The following AK7 variants were observed in gnomAD, a reference collection of about 807,000 sequenced individuals.
AK7 encodes adenylate kinase 7.
In AK7, 78 loss-of-function variants were observed where a neutral mutation model predicts 96.6. The ratio of observed to expected loss-of-function variants is 0.81; its 90% confidence interval spans 0.67 to 0.97. The LOEUF (loss-of-function observed/expected upper bound fraction) is 0.97. Among genes scored for constraint, AK7 ranks in the 50% least tolerant of loss-of-function variants. AK7 has a pLI of 0.00. For missense variants in AK7, 855 were observed against 887.9 expected, an observed-to-expected ratio of 0.96 and a Z score of 0.47; for synonymous variants, 302 against 317.2, an observed-to-expected ratio of 0.95 and a Z score of 0.51.
chr14:96,431,634 A>AT (rs1365345195), intron 5 of AK7, among the ~76,000 whole-genome samples: 5 of 152,048 alleles, frequency 3.3e-5, no homozygotes, highest in African/African-American at 1.2e-4. Context: ...GTTTTTTGTG[A>AT]TTTTTGTTCT....
chr14:96,419,784 C>CTTTTTT lies in AK7; in HGVS notation c.499-1034_499-1033insTTTTTT, dbSNP rs11449244. On this transcript the variant is annotated intron_variant, in intron 4 of 17. Transcript: ENST00000267584. ...TCTCCTAAAGCATTTTTTTTTCTTT[C>CTTTTTT]TTTTCTTTTTTTTTTTTTTTTGAGA... Among the ~76,000 whole-genome samples, 85 of 101,674 alleles carry CTTTTTT rather than the reference C, an allele frequency of 8.4e-4. 6 individuals are homozygous for CTTTTTT. The highest frequency in any genetic ancestry group is 3.5e-3 in the East Asian group (12 of 3,404). 66.7% of individuals were successfully genotyped at this position (101,674 alleles called of 152,430 possible).
At chr14:96,398,366 T>G in intron 2 of AK7, 103 bp downstream of exon 2, 3 of 1,234,996 alleles carry the variant, frequency 2.4e-6, no homozygotes, top group Non-Finnish European at 3.5e-6. Flanking sequence ...CTCCCCTCTC[T>G]TCCACAGACA....
In AK7 at chr14:96,478,682, A is replaced by T. The variant is rs762858158; in HGVS notation, c.1753+20A>T. On this transcript the variant is annotated intron_variant, in intron 15 of 17. Transcript: ENST00000267584. ...ATATTGGTATGAAATGAATTCAAGG[A>T]TAATGTGAATGTCCAGGACCCCCAG... The T allele has an allele frequency of 6.2e-7, 1 of 1,610,450 alleles. No individual in the cohort carries two copies. Among genetic ancestry groups the T allele is most frequent in the Non-Finnish European group, 8.5e-7 (1 of 1,177,454 alleles).
In AK7 at chr14:96,459,363, A is replaced by G. The variant is rs1043631954; in HGVS notation, c.1357+1151A>G. Among the ~76,000 whole-genome samples the G allele has an allele frequency of 5.3e-5, 8 of 151,876 alleles. No individual in the cohort carries two copies. The East Asian group carries it at 1.5e-3, about 29-fold the overall frequency. ...AAAAAAAAAGAAAAAAAAATCACACATATGTTCATAAATCACTGGAACCCA... is the reference window on the plus strand; with the variant it reads ...AAAAAAAAAGAAAAAAAAATCACACGTATGTTCATAAATCACTGGAACCCA... On this transcript the variant is annotated intron_variant, in intron 12 of 17. Transcript: ENST00000267584.
At chr14:96,438,453 A>G (rs1892773486) in intron 6 of AK7, among the ~76,000 whole-genome samples, 1 of 152,206 alleles carries the variant, frequency 6.6e-6, no homozygotes, top group Non-Finnish European at 1.5e-5. Context: ...GGGAAAGGCA[A>G]TGAAGGAGCT....
chr14:96,451,464 C>T lies in AK7; in HGVS notation c.992C>T (p.Ala331Val), dbSNP rs373425925. ...DHLLVNLRME[A>V]LFVKENFNIR... ...TTACTGGTCAACTTAAGAATGGAAG[C>T]GCTCTTTGTGAAGGAGAATTTTAAT... Residue 331 changes from alanine (A) to valine (V), a missense_variant, in exon 10 of 18, where the codon GCG becomes GTG. Ala to Val is a moderately conservative substitution (Grantham distance 64). Coordinates refer to ENST00000267584, the MANE Select transcript of AK7 (RefSeq NM_152327.5). The T allele has an allele frequency of 1.1e-5, 18 of 1,595,798 alleles. No homozygotes were observed. Among genetic ancestry groups the T allele is most frequent in the East Asian group, 2.3e-5 (1 of 44,232 alleles).
chr14:96,432,144 C>T (rs563105298), intron 5 of AK7, among the ~76,000 whole-genome samples: 2 of 150,904 alleles, frequency 1.3e-5, no homozygotes, highest in South Asian at 2.1e-4. Context: ...TCCTATGCTC[C>T]GTTGAATAGG....
At chr14:96,456,563 A>G in intron 11 of AK7, 88 bp downstream of exon 11, 1 of 1,467,012 alleles carries the variant, frequency 6.8e-7, no homozygotes, top group Non-Finnish European at 9.3e-7. Flanking sequence ...CGAATTAGCC[A>G]GCTGGATGCA....
At chr14:96,404,702 T>C in intron 2 of AK7, 55 bp from the exon 3 acceptor site, 1 of 1,201,560 alleles carries the variant, frequency 8.3e-7, no homozygotes, top group South Asian at 1.3e-5. Context: ...CATTGAAATA[T>C]GAAGGTTACC....
At chr14:96,477,617 T>C (rs979735299) in intron 14 of AK7, among the ~76,000 whole-genome samples, 2 of 152,256 alleles carry the variant, frequency 1.3e-5, no homozygotes, top group African/African-American at 4.8e-5. Flanking sequence ...TACTAGAAGC[T>C]GGAGGAACAG....
chr14:96,431,328 T>C (rs1016367740), intron 5 of AK7, among the ~76,000 whole-genome samples: 39 of 152,208 alleles, frequency 2.6e-4, no homozygotes, highest in African/African-American at 9.4e-4. Flanking sequence ...CTCTTGCTTC[T>C]CTAGTTCTTT....
chr14:96,439,975 T>C (rs1892874682), intron 6 of AK7, among the ~76,000 whole-genome samples: 1 of 152,232 alleles, frequency 6.6e-6, no homozygotes, highest in East Asian at 1.9e-4. Flanking sequence ...GATTTATTTA[T>C]TATGTATTTA....
intron 5 of AK7, among the ~76,000 whole-genome samples, chr14:96,422,132 A>T (rs1002910938): frequency 6.6e-6 from 1 of 152,164 alleles, no homozygotes; most frequent in African/African-American, 2.4e-5. Flanking sequence ...TTAGTGAGGG[A>T]TTTAGGGTCA....
At chr14:96,405,864 C>T (rs1236341765) in intron 3 of AK7, among the ~76,000 whole-genome samples, 1 of 152,114 alleles carries the variant, frequency 6.6e-6, no homozygotes, top group Non-Finnish European at 1.5e-5. Flanking sequence ...GAAGTGGTGT[C>T]TAGCAAGGTG....
intron 9 of AK7, 112 bp from the exon 10 acceptor site, chr14:96,451,309 C>A: frequency 2.2e-6 from 2 of 915,502 alleles, no homozygotes; most frequent in Non-Finnish European, 3.1e-6. Flanking sequence ...TTGACTTCCA[C>A]GTTTAGTGAA....
intron 2 of AK7, among the ~76,000 whole-genome samples, chr14:96,401,963 G>C (rs1890434030): frequency 6.6e-6 from 1 of 152,182 alleles, no homozygotes; most frequent in Non-Finnish European, 1.5e-5. Context: ...CACTGTACAA[G>C]AGTGCCTGGC....
chr14:96,487,219 CAAA>C (rs755105036), intron 17 of AK7, among the ~76,000 whole-genome samples, 163 bp downstream of exon 17: 1 of 109,390 alleles, frequency 9.1e-6, no homozygotes, highest in Non-Finnish European at 2.0e-5. Flanking sequence ...ACTAAAAATA[CAAA>C]AAAAAAAAAA....
chr14:96,431,067 C>G (rs1327849116), intron 5 of AK7, among the ~76,000 whole-genome samples: 1 of 152,166 alleles, frequency 6.6e-6, no homozygotes, highest in Admixed American at 6.5e-5. Flanking sequence ...TGTTTATTCT[C>G]TGGTGGTAGT....
chr14:96,443,737 G>A (rs996968070), intron 7 of AK7, among the ~76,000 whole-genome samples: 4 of 151,112 alleles, frequency 2.6e-5, no homozygotes, highest in Non-Finnish European at 2.9e-5. Context: ...TAACACTAAC[G>A]ATAGCTGATG....
Sources: allele counts gnomAD v4.1 joint callset (sites outside exome capture counted in the v4.1 genomes callset), GRCh38; gene constraint gnomAD v4.1.1; transcripts MANE v1.5; gene names NCBI Gene and HGNC (gene_info 2026-07-23, HGNC 2026-07-21).